FUS: variants seen among roughly 807,000 people sequenced by gnomAD.
The protein encoded by FUS is RNA-binding protein FUS.
FUS carries 5 observed loss-of-function variants against 82.7 expected under a neutral mutation model. That is an observed-to-expected ratio of 0.06 (90% CI 0.03 to 0.13). The LOEUF is 0.13. FUS is among the 10% of genes least tolerant of loss of function. The pLI, the probability that FUS is intolerant of heterozygous loss-of-function variation, is 1.00. For synonymous variants in FUS, 281 were observed against 247.4 expected (o/e 1.14, Z -1.27); for missense variants, 512 against 707.8 (o/e 0.72, Z 3.14).
chr16:31,180,717 C>G (rs1306818844), intron 1 of FUS, among the ~76,000 whole-genome samples: 2 of 152,190 alleles, frequency 1.3e-5, no homozygotes, highest in African/African-American at 4.8e-5. Context: ...CTCGGCGGCG[C>G]GCGTCCGGTG....
intron 11 of FUS, 33 bp downstream of exon 11, chr16:31,190,174 T>C: frequency 6.2e-7 from 1 of 1,612,958 alleles, no homozygotes; most frequent in Non-Finnish European, 8.5e-7. Context: ...TGCAGAGGGG[T>C]AATGGGGAGA....
chr16:31,191,001 G>A lies in FUS; in HGVS notation c.1432G>A (p.Gly478Ser). ...GGATGATCGTCGTGGTGGCAGAGGAGGCTATGATCGAGGCGGCTACCGGGG... is the reference window on the plus strand; with the variant it reads ...GGATGATCGTCGTGGTGGCAGAGGAAGCTATGATCGAGGCGGCTACCGGGG... ...YGDDRRGGRG[G>S]YDRGGYRGRG... Residue 478 changes from glycine (G) to serine (S), a missense_variant, in exon 14 of 15, where the codon GGC becomes AGC. Gly to Ser is a moderately conservative substitution (Grantham distance 56). Around this residue, in one of 6 missense-constraint regions of FUS, gnomAD observed 96 missense variants for 120.7 expected, o/e 0.80. Transcript: ENST00000254108. The A allele has an allele frequency of 6.2e-7, 1 of 1,613,948 alleles. No homozygotes were observed.
intron 6 of FUS, 46 bp from the exon 7 acceptor site, chr16:31,186,756 A>C (rs370773808): frequency 8.8e-6 from 14 of 1,594,104 alleles, no homozygotes; most frequent in Admixed American, 3.3e-5. Flanking sequence ...AACCTTTTGT[A>C]GCCGTTGGAA....
chr16:31,194,292 A>G (rs946075801), downstream of FUS: 5 of 525,922 alleles, frequency 9.5e-6, no homozygotes, highest in East Asian at 2.0e-4. Context: ...CATCCTTTTT[A>G]AATTTTTTTT....
At chr16:31,189,372 C>G in intron 9 of FUS, 146 bp downstream of exon 9, 1 of 805,986 alleles carries the variant, frequency 1.2e-6, no homozygotes, top group East Asian at 2.5e-5. Flanking sequence ...AGGAAAGAGC[C>G]TTAGTTACTG....
At chr16:31,188,736 G>C (rs2079308993) in intron 8 of FUS, 2 of 467,246 alleles carry the variant, frequency 4.3e-6, no homozygotes, top group Non-Finnish European at 7.7e-6. Flanking sequence ...GTAAAGCATT[G>C]AACTCCTGTT....
At chr16:31,185,667 T>G (rs1282224828) in intron 6 of FUS, 3 of 465,178 alleles carry the variant, frequency 6.4e-6, no homozygotes, top group Non-Finnish European at 1.3e-5. Context: ...ATCCACGAGC[T>G]TGATTTGCAC....
chr16:31,191,602 T>A lies in FUS; in HGVS notation c.*164T>A. The A allele has an allele frequency of 2.5e-6, 2 of 802,628 alleles. No individual in the cohort carries two copies. The highest frequency in any genetic ancestry group is 4.3e-6 in the Non-Finnish European group (2 of 468,966). The allele number at this position is 802,628 out of a possible 1,614,324, so 49.7% of individuals were successfully genotyped here. A position where few individuals can be genotyped will look rare whatever the true frequency, so the allele number is the denominator to read the frequency against. ...TCCCATTAAAAGTGACCATTTTAGT[T>A]AAATTTTGTTCCTCTTCCCCCTTTT... On this transcript the variant is annotated 3_prime_UTR_variant, in exon 15 of 15. Coordinates refer to ENST00000254108, the MANE Select transcript of FUS (RefSeq NM_004960.4).
At chr16:31,190,448 G>GAT (rs775530110) in intron 12 of FUS, 50 bp downstream of exon 12, 1 of 1,612,814 alleles carries the variant, frequency 6.2e-7, no homozygotes, top group African/African-American at 1.3e-5. Flanking sequence ...CGTGCTCTTT[G>GAT]ATATATTGGT....
intron 3 of FUS, chr16:31,182,969 A>G (rs900289095): frequency 4.0e-5 from 16 of 404,768 alleles, no homozygotes; most frequent in African/African-American, 3.3e-4. Flanking sequence ...TTGACCTGCC[A>G]AAGTGCTGGG....
rs1260225350 is a variant in FUS at position 31,190,149 on chromosome 16, G to A, written c.1168+8G>A. ...GAGGCCGAGGGCGAGGAGGTGAGGA[G>A]CTACCTGCTAGTGGTGCAGAGGGGT... On this transcript the variant is annotated splice_region_variant and intron_variant, in intron 11 of 14. Coordinates refer to ENST00000254108, the MANE Select transcript of FUS (RefSeq NM_004960.4). 9 of 1,614,080 alleles carry A rather than the reference G, an allele frequency of 5.6e-6. No homozygotes were observed. The highest frequency in any genetic ancestry group is 1.3e-5 in the African/African-American group (1 of 75,034).
chr16:31,191,850 G>C (rs1339589394), downstream of FUS: 1 of 551,400 alleles, frequency 1.8e-6, no homozygotes, highest in Non-Finnish European at 3.5e-6. Context: ...CCAGCTATGG[G>C]GAATTTTTCC....
chr16:31,185,945 C>T, intron 6 of FUS: 1 of 239,090 alleles, frequency 4.2e-6, no homozygotes. Flanking sequence ...AAGGACCCTA[C>T]TCTGTCTCCC....
rs769718097 is a variant in FUS, at chr16:31,183,913, C to G, written c.246C>G (p.Gly82=). 3.1e-6 allele frequency: 5 copies of G among 1,614,126 alleles called. No homozygotes were observed. Among genetic ancestry groups the G allele is most frequent in the Non-Finnish European group, 3.4e-6 (4 of 1,180,020 alleles). ...PQGYGSTGGY[G]SSQSSQSSYG... ...GATATGGCTCGACTGGCGGCTATGGCAGTAGCCAGAGCTCCCAATCGTCTT... is the reference window on the plus strand; with the variant it reads ...GATATGGCTCGACTGGCGGCTATGGGAGTAGCCAGAGCTCCCAATCGTCTT... The change falls in exon 4 of 15, where the codon GGC becomes GGG. Residue 82 remains glycine, a synonymous_variant. Coordinates refer to ENST00000254108, the MANE Select transcript of FUS (RefSeq NM_004960.4).
At chr16:31,181,866 C>T (rs1230991618) in intron 1 of FUS, among the ~76,000 whole-genome samples, 1 of 152,168 alleles carries the variant, frequency 6.6e-6, no homozygotes, top group Non-Finnish European at 1.5e-5. Context: ...GTTAAGGCTT[C>T]TGGGACTCTG....
At chr16:31,193,944 G>A, downstream of FUS, 2 of 530,456 alleles carry the variant, frequency 3.8e-6, no homozygotes, top group South Asian at 3.1e-5. Flanking sequence ...ACTGCGTTTG[G>A]CCAGAATACT....
chr16:31,180,668 G>A (rs1448398585), intron 1 of FUS, among the ~76,000 whole-genome samples: 1 of 152,172 alleles, frequency 6.6e-6, no homozygotes, highest in Admixed American at 6.5e-5. Context: ...CCCGCCTCGT[G>A]TTGGTTCAGC....
intron 9 of FUS, 100 bp from the exon 10 acceptor site, chr16:31,189,565 T>G: frequency 6.5e-7 from 1 of 1,539,278 alleles, no homozygotes; most frequent in Non-Finnish European, 8.9e-7. Context: ...AGAGGGGAGC[T>G]GAAGTTTGGG....
At chr16:31,191,282 C>G in intron 14 of FUS, 117 bp from the exon 15 acceptor site, 1 of 1,478,438 alleles carries the variant, frequency 6.8e-7, no homozygotes, top group Non-Finnish European at 9.4e-7. Flanking sequence ...ATCTGTAGAC[C>G]CACTTGAGAT....
Sources: allele counts gnomAD v4.1 joint callset (sites outside exome capture counted in the v4.1 genomes callset), GRCh38; gene constraint gnomAD v4.1.1; regional missense constraint gnomAD v4.1.1; transcripts MANE v1.5; gene names NCBI Gene and HGNC (gene_info 2026-07-23, HGNC 2026-07-21).